Variants in SLFN12L observed in about 807,000 individuals in gnomAD.
SLFN12L encodes schlafen family member 12 like, also known as schlafen family member 12-like.
In SLFN12L, 34 loss-of-function variants were observed where a neutral mutation model predicts 34.8. That is an observed-to-expected ratio of 0.98 (90% CI 0.74 to 1.30). The LOEUF (loss-of-function observed/expected upper bound fraction) is 1.30. Among genes scored for constraint, SLFN12L ranks in the 50% most tolerant of loss-of-function variants. The pLI is 0.00. For synonymous variants in SLFN12L, 259 were observed against 247.5 expected (o/e 1.05, Z -0.44); for missense variants, 703 against 696.2 (o/e 1.01, Z -0.11).
Position 35,469,155 on chromosome 17 carries a change from C to T in SLFN12L, c.*5768G>A, listed in dbSNP as rs181683270. ...CCTACTACCCCCTCAAGCTTTCCCC[C>T]GTGACTTCCTGCCCTGTGTCTCTGA... On this transcript the variant is annotated 3_prime_UTR_variant, in exon 5 of 5. Transcript: ENST00000628453. Among the ~76,000 whole-genome samples, 13 of 151,162 alleles carry T rather than the reference C, an allele frequency of 8.6e-5. 1 individual carries two copies. In the East Asian group the frequency reaches 2.5e-3, roughly 29 times the overall value.
chr17:35,507,939 A>G (rs1915517498), intron 2 of SLFN12L, among the ~76,000 whole-genome samples: 1 of 152,208 alleles, frequency 6.6e-6, no homozygotes, highest in African/African-American at 2.4e-5. Flanking sequence ...ATATTGTCTT[A>G]TGCCCAATTT....
rs559290092 is a variant in SLFN12L at position 35,530,905 on chromosome 17, C to G, written c.-606+6668G>C. The stretch of plus-strand genomic sequence containing the variant: ...ACATTCAATGAAAGCTCACACTAAA[C>G]ACAGTCCTGTCAGAGATACTAAGAA... On this transcript the variant is annotated intron_variant, in intron 1 of 4. Transcript: ENST00000628453. Among the ~76,000 whole-genome samples the G allele has an allele frequency of 6.6e-5, 10 of 152,290 alleles. No homozygotes were observed. The East Asian group carries it at 1.9e-3, about 29-fold the overall frequency.
chr17:35,491,541 TTCCTTCC>T (rs754780575), intron 2 of SLFN12L, among the ~76,000 whole-genome samples: 1 of 152,242 alleles, frequency 6.6e-6, no homozygotes, highest in African/African-American at 2.4e-5. Flanking sequence ...ACCCCGACTT[TTCCTTCC>T]TCCTTCCTCC....
At chr17:35,531,625 T>A (rs1484809448) in intron 1 of SLFN12L, among the ~76,000 whole-genome samples, 2 of 152,030 alleles carry the variant, frequency 1.3e-5, no homozygotes, top group Non-Finnish European at 1.5e-5. Context: ...TATTTATTTA[T>A]TTATTTTTGA....
At chr17:35,489,868 G>A (rs1914761669) in intron 2 of SLFN12L, 3 of 738,506 alleles carry the variant, frequency 4.1e-6, no homozygotes, top group Admixed American at 6.0e-5. Context: ...CTTCCGGAGA[G>A]GAACACCAAC....
intron 1 of SLFN12L, among the ~76,000 whole-genome samples, chr17:35,528,564 A>T (rs930823504): frequency 9.9e-5 from 15 of 152,134 alleles, no homozygotes; most frequent in African/African-American, 3.6e-4. Flanking sequence ...ATTTGATCTG[A>T]CAAACCTAAC....
chr17:35,495,669 C>T (rs1915028956), intron 2 of SLFN12L, among the ~76,000 whole-genome samples: 1 of 151,656 alleles, frequency 6.6e-6, no homozygotes, highest in African/African-American at 2.4e-5. Flanking sequence ...GCCCACCTCC[C>T]TACCCCACCC....
chr17:35,479,448 A>G lies in SLFN12L; in HGVS notation c.834T>C (p.Tyr278=). 1 of 1,614,182 alleles carries G rather than the reference A, an allele frequency of 6.2e-7. No individual in the cohort carries two copies. Among genetic ancestry groups the G allele is most frequent in the Non-Finnish European group, 8.5e-7 (1 of 1,180,012 alleles). The stretch of plus-strand genomic sequence containing the variant: ...TATCTTCATTTAGACCAACGAATAA[A>G]TATCCTCCATCAGTATTTGCAAATG... ...VSAFANTDGG[Y]LFVGLNEDKE... Residue 278 remains tyrosine (Y), a synonymous_variant, in exon 3 of 5, where the codon TAT becomes TAC. Coordinates refer to ENST00000628453, the MANE Select transcript of SLFN12L (RefSeq NM_001363830.2).
At chr17:35,489,467 T>G (rs940089878) in intron 2 of SLFN12L, among the ~76,000 whole-genome samples, 1 of 151,894 alleles carries the variant, frequency 6.6e-6, no homozygotes, top group African/African-American at 2.4e-5. Flanking sequence ...GGTGGGAGGA[T>G]CACTTGAACT....
intron 2 of SLFN12L, among the ~76,000 whole-genome samples, chr17:35,494,857 C>A (rs779128380): frequency 6.6e-6 from 1 of 150,932 alleles, no homozygotes; most frequent in South Asian, 2.1e-4. Context: ...TATTTATCAC[C>A]GATTTTTGCG....
chr17:35,492,213 C>T (rs1348440132), intron 2 of SLFN12L, among the ~76,000 whole-genome samples: 1 of 152,206 alleles, frequency 6.6e-6, no homozygotes, highest in Non-Finnish European at 1.5e-5. Flanking sequence ...GGTTTATCAG[C>T]TTCTGCAAGG....
intron 2 of SLFN12L, among the ~76,000 whole-genome samples, chr17:35,491,847 C>T (rs1429605634): frequency 1.3e-5 from 2 of 151,658 alleles, no homozygotes; most frequent in Admixed American, 1.3e-4. Context: ...AAGAAGATCT[C>T]CACAGGCTTC....
At chr17:35,497,707 A>G (rs1050765397) in intron 2 of SLFN12L, among the ~76,000 whole-genome samples, 1 of 152,234 alleles carries the variant, frequency 6.6e-6, no homozygotes, top group African/African-American at 2.4e-5. Context: ...ATTTTCAAAG[A>G]AAATGTTTAT....
At chr17:35,512,510 C>G (rs1038698061) in intron 2 of SLFN12L, among the ~76,000 whole-genome samples, 4 of 152,012 alleles carry the variant, frequency 2.6e-5, no homozygotes, top group African/African-American at 9.7e-5. Flanking sequence ...GGACCACAGG[C>G]GCCCGCCACC....
intron 2 of SLFN12L, among the ~76,000 whole-genome samples, chr17:35,511,584 T>TACACACACACACACACACACACACACAC (rs58683369): frequency 1.3e-5 from 2 of 148,314 alleles, no homozygotes; most frequent in African/African-American, 5.0e-5. Context: ...CACACACACA[T>TACACACACACACACACACACACACACAC]ACACACACAC....
At chr17:35,489,394 A>AT (rs1380472839) in intron 2 of SLFN12L, among the ~76,000 whole-genome samples, 4 of 151,986 alleles carry the variant, frequency 2.6e-5, no homozygotes, top group East Asian at 1.9e-4. Context: ...TCTACAAATA[A>AT]TTTTTTAAAA....
Position 35,485,087 on chromosome 17 carries a change from T to C in SLFN12L, c.87-4892A>G, listed in dbSNP as rs547095738. ...AAAATCAATAGTAATGTCTCTTCTT[T>C]CTTTTTTGATTTTAGTTGAGTTTTT... On this transcript the variant is annotated intron_variant, in intron 2 of 4. Coordinates refer to ENST00000628453, the MANE Select transcript of SLFN12L (RefSeq NM_001363830.2). Among the ~76,000 whole-genome samples, 163 of 152,334 alleles carry C rather than the reference T, an allele frequency of 1.1e-3. 1 individual carries two copies. Among genetic ancestry groups the C allele is most frequent in the African/African-American group, 3.8e-3 (158 of 41,576 alleles).
chr17:35,532,848 A>T (rs1336898318), intron 1 of SLFN12L, among the ~76,000 whole-genome samples: 1 of 151,836 alleles, frequency 6.6e-6, no homozygotes, highest in African/African-American at 2.4e-5. Flanking sequence ...AACAAAAATC[A>T]TTCCACTGCA....
At chr17:35,499,536 A>G (rs772703565) in intron 2 of SLFN12L, among the ~76,000 whole-genome samples, 11 of 152,254 alleles carry the variant, frequency 7.2e-5, no homozygotes, top group Non-Finnish European at 1.6e-4. Context: ...ATAAATAATT[A>G]GAAGTAAGAT....
Sources: allele counts gnomAD v4.1 joint callset (sites outside exome capture counted in the v4.1 genomes callset), GRCh38; gene constraint gnomAD v4.1.1; transcripts MANE v1.5; gene names NCBI Gene and HGNC (gene_info 2026-07-23, HGNC 2026-07-21).